Variants in RASGRP1 observed in about 807,000 individuals in gnomAD.
RASGRP1 encodes RAS guanyl releasing protein 1.
In RASGRP1, 37 loss-of-function variants were observed where a neutral mutation model predicts 95.1. The observed-to-expected ratio is 0.39, with a 90% CI of 0.30 to 0.51. The LOEUF is 0.51. RASGRP1 is among the 20% of genes least tolerant of loss of function. The pLI is 0.80. For missense variants in RASGRP1, 711 were observed against 965.4 expected (o/e 0.74, Z 3.49); for synonymous variants, 325 against 353.4 (o/e 0.92, Z 0.90).
At chr15:38,543,648 C>CTTTTTTTTTTTTTTTT (rs11450286) in intron 2 of RASGRP1, among the ~76,000 whole-genome samples, 5 of 49,486 alleles carry the variant, frequency 1.0e-4, no homozygotes, top group Admixed American at 2.5e-4. Flanking sequence ...TTCTTTTTTT[C>CTTTTTTTTTTTTTTTT]TTTTTTTTTT....
intron 2 of RASGRP1, among the ~76,000 whole-genome samples, chr15:38,554,683 T>C (rs891398107): frequency 6.6e-6 from 1 of 152,188 alleles, no homozygotes; most frequent in Non-Finnish European, 1.5e-5. Flanking sequence ...CTCCTTGGAA[T>C]AAATAGTGTC....
At chr15:38,547,628 T>C (rs2141178407) in intron 2 of RASGRP1, among the ~76,000 whole-genome samples, 1 of 152,240 alleles carries the variant, frequency 6.6e-6, no homozygotes, top group East Asian at 1.9e-4. Flanking sequence ...ACTAAGACAA[T>C]CTTGTTAAAT....
At chr15:38,543,136 C>A (rs1049578231) in intron 2 of RASGRP1, among the ~76,000 whole-genome samples, 1 of 151,942 alleles carries the variant, frequency 6.6e-6, no homozygotes, top group Admixed American at 6.6e-5. Flanking sequence ...AAATTTCCTT[C>A]TAGAAGACTT....
At chr15:38,538,747 A>G (rs1892754345) in intron 2 of RASGRP1, among the ~76,000 whole-genome samples, 1 of 152,214 alleles carries the variant, frequency 6.6e-6, no homozygotes, top group Non-Finnish European at 1.5e-5. Context: ...TGAGAGCTTC[A>G]TAATGTCTTA....
chr15:38,538,732 C>A (rs972146381), intron 2 of RASGRP1, among the ~76,000 whole-genome samples: 2 of 152,174 alleles, frequency 1.3e-5, no homozygotes, highest in Non-Finnish European at 2.9e-5. Flanking sequence ...TTGCTCTTTG[C>A]AGAATGAGAG....
intron 16 of RASGRP1, among the ~76,000 whole-genome samples, chr15:38,493,168 C>T (rs1344369560): frequency 6.7e-6 from 1 of 149,486 alleles, no homozygotes; most frequent in Non-Finnish European, 1.5e-5. Flanking sequence ...GCGTGAGCCA[C>T]CACGCCGGGC....
At position 38,542,824 on chromosome 15, in the gene RASGRP1, CAT is replaced by C. The variant is rs199735634; in HGVS notation, c.221-16422_221-16421del. 2.3e-4 allele frequency among the ~76,000 whole-genome samples: 22 copies of C among 97,392 alleles called. 1 individual carries two copies. Among genetic ancestry groups the C allele is most frequent in the African/African-American group, 7.5e-4 (17 of 22,768 alleles). 63.9% of individuals were successfully genotyped at this position (97,392 alleles called of 152,430 possible). ...AAATGAAGTTCTTGTCAGATATATA[CAT>C]ATATATGTGTATATATATATATGTG... On this transcript the variant is annotated intron_variant, in intron 2 of 16. Coordinates refer to ENST00000310803, the MANE Select transcript of RASGRP1 (RefSeq NM_005739.4).
intron 2 of RASGRP1, among the ~76,000 whole-genome samples, chr15:38,554,364 C>T (rs1893463788): frequency 6.6e-6 from 1 of 152,148 alleles, no homozygotes; most frequent in Non-Finnish European, 1.5e-5. Context: ...ACAGAGTCCA[C>T]AATAAGTGTT....
In RASGRP1 at chr15:38,494,477, G is replaced by T. The variant is rs1045163521; in HGVS notation, c.2164C>A (p.Arg722=). 6.8e-6 allele frequency: 11 copies of T among 1,609,878 alleles called. No homozygotes were observed. Among genetic ancestry groups the T allele is most frequent in the Admixed American group, 1.7e-5 (1 of 59,366 alleles). ...TTATTCTCCCACTTGACAAAAGCCC[G>T]CTTTCTGACCAAGACTGGGCTAGGA... ...PCPSPVLVRK[R]AFVKWENKDS... is the part of the protein sequence containing the mutation. Residue 722 remains arginine (R), a synonymous_variant, in exon 16 of 17, where the codon CGG becomes AGG. Transcript: ENST00000310803.
intron 2 of RASGRP1, among the ~76,000 whole-genome samples, chr15:38,553,691 A>G (rs1411402871): frequency 6.6e-6 from 1 of 152,250 alleles, no homozygotes; most frequent in Non-Finnish European, 1.5e-5. Flanking sequence ...TTACACAGCC[A>G]ACAGACAGGC....
At chr15:38,526,091 C>A (rs535659757) in intron 3 of RASGRP1, among the ~76,000 whole-genome samples, 32 of 152,188 alleles carry the variant, frequency 2.1e-4, no homozygotes, top group Admixed American at 1.9e-3. Flanking sequence ...CCCCCCAGAG[C>A]AATCAGCATC....
chr15:38,535,303 T>C (rs891575558), intron 2 of RASGRP1, among the ~76,000 whole-genome samples: 2 of 152,122 alleles, frequency 1.3e-5, no homozygotes, highest in Non-Finnish European at 1.5e-5. Flanking sequence ...CTCTACCATT[T>C]TGGCCATCCA....
chr15:38,547,845 C>G (rs957675980), intron 2 of RASGRP1, among the ~76,000 whole-genome samples: 3 of 151,854 alleles, frequency 2.0e-5, no homozygotes, highest in African/African-American at 7.3e-5. Context: ...CTGCTCAAAA[C>G]TGTGTGTGTG....
intron 2 of RASGRP1, among the ~76,000 whole-genome samples, chr15:38,553,488 C>T (rs1189250981): frequency 6.6e-6 from 1 of 152,162 alleles, no homozygotes; most frequent in East Asian, 1.9e-4. Flanking sequence ...TCAGGAGAAG[C>T]ACTCCCCAGT....
intron 5 of RASGRP1, among the ~76,000 whole-genome samples, chr15:38,516,712 T>G (rs1891803871): frequency 6.6e-6 from 1 of 151,892 alleles, no homozygotes; most frequent in African/African-American, 2.4e-5. Flanking sequence ...TGCTTGTGTG[T>G]TCCTTCATTC....
At chr15:38,491,821 G>A (rs552261119) in intron 16 of RASGRP1, among the ~76,000 whole-genome samples, 8 of 152,264 alleles carry the variant, frequency 5.3e-5, no homozygotes, top group African/African-American at 1.7e-4. Context: ...GGTCAAAATG[G>A]TGAGAGGGTT....
intron 16 of RASGRP1, among the ~76,000 whole-genome samples, chr15:38,492,779 A>G (rs1346938249): frequency 2.6e-5 from 4 of 152,186 alleles, no homozygotes; most frequent in African/African-American, 9.7e-5. Flanking sequence ...TACTCGAAAC[A>G]AAAAGAAGTA....
chr15:38,537,964 T>C (rs1478017965), intron 2 of RASGRP1, among the ~76,000 whole-genome samples: 1 of 152,140 alleles, frequency 6.6e-6, no homozygotes, highest in African/African-American at 2.4e-5. Flanking sequence ...AAGAGCTGAA[T>C]AGGAATGTGC....
intron 2 of RASGRP1, among the ~76,000 whole-genome samples, chr15:38,545,908 C>T (rs1566934764): frequency 6.6e-6 from 1 of 152,136 alleles, no homozygotes; most frequent in Non-Finnish European, 1.5e-5. Flanking sequence ...CTTTTCAGGT[C>T]TTCCTTACTA....
Sources: allele counts gnomAD v4.1 joint callset (sites outside exome capture counted in the v4.1 genomes callset), GRCh38; gene constraint gnomAD v4.1.1; transcripts MANE v1.5; gene names NCBI Gene and HGNC (gene_info 2026-07-23, HGNC 2026-07-21).